The following LY6G6D variants were observed in gnomAD, a reference collection of about 807,000 sequenced individuals.
LY6G6D encodes lymphocyte antigen 6 family member G6D.
Under a neutral mutation model 8.5 loss-of-function variants are expected in LY6G6D, and 5 were observed. That is an observed-to-expected ratio of 0.59 (90% CI 0.31 to 1.24). The LOEUF is 1.24. LY6G6D is among the 50% of genes most tolerant of loss of function. The probability of loss-of-function intolerance (pLI) is 0.07; values close to 1 mark genes in which losing one functional copy is unlikely to be tolerated. For missense variants in LY6G6D, 154 were observed against 170.4 expected (o/e 0.90, Z 0.53); for synonymous variants, 65 against 69.6 (o/e 0.93, Z 0.33).
rs1014006780 is a variant in LY6G6D, at chr6:31,716,843, C to T, written c.179-738C>T. On this transcript the variant is annotated intron_variant, in intron 2 of 2. Transcript: ENST00000375825. This position sits in a 1 kb window ranked among gnomAD's most constrained non-coding sequence, Gnocchi z 5.1. ...CTGAGAGGCTGAGGCAGGAGGATTA[C>T]TTGAGCCCAGGAGTTTGAGGCTATA... 2.6e-5 allele frequency among the ~76,000 whole-genome samples: 4 copies of T among 152,176 alleles called. No homozygotes were observed. The highest frequency in any genetic ancestry group is 9.7e-5 in the African/African-American group (4 of 41,420).
In LY6G6D at chr6:31,717,212, T is replaced by G. The variant is rs1336257045; in HGVS notation, c.179-369T>G. On this transcript the variant is annotated intron_variant, in intron 2 of 2. Transcript: ENST00000375825. The surrounding 1 kb of genome is among the most constrained non-coding windows in gnomAD (Gnocchi z 5.0). Reference sequence around the variant, plus strand: ...TCGCGGTGAGCCGAGATCACACCATTGCACTCCAGCTGGGCAATAAGAGTG... The same window carrying G: ...TCGCGGTGAGCCGAGATCACACCATGGCACTCCAGCTGGGCAATAAGAGTG... Among the ~76,000 whole-genome samples, 3 of 145,684 alleles carry G rather than the reference T, an allele frequency of 2.1e-5. No homozygotes were observed.
In LY6G6D at chr6:31,717,385, A is replaced by C; in HGVS notation, c.179-196A>C. 1 of 1,340,952 alleles carries C rather than the reference A, an allele frequency of 7.5e-7. No individual in the cohort carries two copies. The highest frequency in any genetic ancestry group is 1.4e-5 in the South Asian group (1 of 70,504). 83.1% of individuals were successfully genotyped at this position (1,340,952 alleles called of 1,614,324 possible). On this transcript the variant is annotated intron_variant, in intron 2 of 2. Transcript: ENST00000375825. This position sits in a 1 kb window ranked among gnomAD's most constrained non-coding sequence, Gnocchi z 5.0. Reference sequence around the variant, plus strand: ...TTTAAGCAAGAATACTGCAGAAGTGATGTTGCATCCTTCTTGCTGCATCAC... The same window carrying C: ...TTTAAGCAAGAATACTGCAGAAGTGCTGTTGCATCCTTCTTGCTGCATCAC...
At chr6:31,715,661 C>A in intron 2 of LY6G6D, 37 bp downstream of exon 2, 1 of 1,605,762 alleles carries the variant, frequency 6.2e-7, no homozygotes. Flanking sequence ...AGCAGCCTTT[C>A]CCTGCCTCCA....
rs146655668 is a variant in LY6G6D, at chr6:31,716,919, C to A, written c.179-662C>A. Among the ~76,000 whole-genome samples the A allele has an allele frequency of 6.6e-6, 1 of 152,042 alleles. No homozygotes were observed. Among genetic ancestry groups the A allele is most frequent in the East Asian group, 1.9e-4 (1 of 5,174 alleles). On this transcript the variant is annotated intron_variant, in intron 2 of 2. Coordinates refer to ENST00000375825, the MANE Select transcript of LY6G6D (RefSeq NM_021246.4). The surrounding 1 kb of genome is among the most constrained non-coding windows in gnomAD (Gnocchi z 5.1). ...TCCAGCCTGAGTGAGAGAGCAAGAT[C>A]TTTTCTCTAAAATTAAATAAAATCA...
In LY6G6D at chr6:31,717,461, G is replaced by C; in HGVS notation, c.179-120G>C. 2 of 1,609,374 alleles carry C rather than the reference G, an allele frequency of 1.2e-6. No homozygotes were observed. Among genetic ancestry groups the C allele is most frequent in the Non-Finnish European group, 1.7e-6 (2 of 1,177,700 alleles). On this transcript the variant is annotated intron_variant, in intron 2 of 2. Transcript: ENST00000375825. The surrounding 1 kb of genome is among the most constrained non-coding windows in gnomAD (Gnocchi z 5.0). ...TTAACTTTGATCACTTGGTTTCAGGGAGGTGTTTTTTGAGGGGGCTGAAAA... is the reference window on the plus strand; with the variant it reads ...TTAACTTTGATCACTTGGTTTCAGGCAGGTGTTTTTTGAGGGGGCTGAAAA...
In LY6G6D at chr6:31,717,023, G is replaced by T. The variant is rs1442294452; in HGVS notation, c.179-558G>T. On this transcript the variant is annotated intron_variant, in intron 2 of 2. Transcript: ENST00000375825. This position sits in a 1 kb window ranked among gnomAD's most constrained non-coding sequence, Gnocchi z 5.0. Reference sequence around the variant, plus strand: ...CCCAGCACTTTGGGAGGCCAAGGCGGGTGGATAACCTGAGGTCGGGAGTTC... The same window carrying T: ...CCCAGCACTTTGGGAGGCCAAGGCGTGTGGATAACCTGAGGTCGGGAGTTC... Among the ~76,000 whole-genome samples the T allele has an allele frequency of 1.3e-5, 2 of 152,200 alleles. No individual in the cohort carries two copies. Among genetic ancestry groups the T allele is most frequent in the African/African-American group, 4.8e-5 (2 of 41,452 alleles).
At position 31,717,685 on chromosome 6, in the gene LY6G6D, G is replaced by A; in HGVS notation, c.283G>A (p.Asp95Asn). 6.2e-7 allele frequency: 1 copy of A among 1,614,218 alleles called. No homozygotes were observed. The highest frequency in any genetic ancestry group is 1.3e-5 in the African/African-American group (1 of 75,064). Residue 95 changes from aspartate to asparagine, a missense_variant, in exon 3 of 3, where the codon GAC (aspartate) becomes AAC (asparagine). Transcript: ENST00000375825. This position sits in a 1 kb window ranked among gnomAD's most constrained non-coding sequence, Gnocchi z 5.0. ...VGDVTYPAHR[D>N]CYLGDLCNSA... ...AGACGTGACTTATCCAGCCCACAGG[G>A]ACTGCTACCTGGGAGACCTGTGCAA...
rs748241283 is a variant in LY6G6D at position 31,717,472 on chromosome 6, T to C, written c.179-109T>C. On this transcript the variant is annotated intron_variant, in intron 2 of 2. Transcript: ENST00000375825. The surrounding 1 kb of genome is among the most constrained non-coding windows in gnomAD (Gnocchi z 5.0). ...CACTTGGTTTCAGGGAGGTGTTTTT[T>C]GAGGGGGCTGAAAATCCCTTTGGGC... is the stretch of plus-strand genomic sequence containing the variant. 3.7e-6 allele frequency: 6 copies of C among 1,610,836 alleles called. No individual in the cohort carries two copies. In the South Asian group the frequency reaches 5.5e-5, roughly 15 times the overall value.
In LY6G6D at chr6:31,715,538, C is replaced by G. The variant is rs750768275; in HGVS notation, c.92C>G (p.Pro31Arg). 42 of 1,612,916 alleles carry G rather than the reference C, an allele frequency of 2.6e-5. No homozygotes were observed. The highest frequency in any genetic ancestry group is 1.1e-5 in the South Asian group (1 of 91,082). ...RMRCYNCGGS[P>R]SSSCKEAVTT... is the part of the protein sequence containing the mutation. ...CGGTGCTACAACTGTGGTGGAAGCC[C>G]CAGCAGTTCTTGCAAAGAGGCCGTG... Residue 31 changes from proline to arginine, a missense_variant, in exon 2 of 3, where the codon CCC becomes CGC. Coordinates refer to ENST00000375825, the MANE Select transcript of LY6G6D (RefSeq NM_021246.4).
rs1245218432 is a variant in LY6G6D, at chr6:31,715,606, A to G, written c.160A>G (p.Ile54Val). ...EGRPQPGLEQIKLPGNPPVTL... is the reference protein window; with the variant it reads ...EGRPQPGLEQVKLPGNPPVTL... The stretch of plus-strand genomic sequence containing the variant: ...CAGACCCCAGCCAGGCCTGGAACAG[A>G]TCAAGCTACCTGGAAACCGTGAGTC... The change falls in exon 2 of 3, where the codon ATC (isoleucine) becomes GTC (valine). Residue 54 changes from isoleucine (I) to valine (V), a missense_variant. Coordinates refer to ENST00000375825, the MANE Select transcript of LY6G6D (RefSeq NM_021246.4). 4 of 1,612,694 alleles carry G rather than the reference A, an allele frequency of 2.5e-6. No individual in the cohort carries two copies. The highest frequency in any genetic ancestry group is 3.4e-6 in the Non-Finnish European group (4 of 1,179,830).
chr6:31,715,950 GGTGTGTGTGTGT>G (rs3138769), intron 2 of LY6G6D, among the ~76,000 whole-genome samples: 17 of 147,048 alleles, frequency 1.2e-4, no homozygotes, highest in Admixed American at 2.7e-4. Context: ...ACCAGGGAGG[GGTGTGTGTGTGT>G]GTGTGTGTGT....
At position 31,715,514 on chromosome 6, in the gene LY6G6D, G is replaced by T; in HGVS notation, c.68G>T (p.Arg23Leu). The change falls in exon 2 of 3, where the codon CGG becomes CTG. Residue 23 changes from arginine to leucine, a missense_variant. Physicochemically the swap from Arg to Leu is moderately radical, Grantham distance 102. Coordinates refer to ENST00000375825, the MANE Select transcript of LY6G6D (RefSeq NM_021246.4). ...TTTCTCCTGCCAGGAAACCGAATGC[G>T]GTGCTACAACTGTGGTGGAAGCCCC... ...LLGAALGNRM[R>L]CYNCGGSPSS... is the part of the protein sequence containing the mutation. The T allele has an allele frequency of 6.2e-7, 1 of 1,612,800 alleles. No individual in the cohort carries two copies. The highest frequency in any genetic ancestry group is 8.5e-7 in the Non-Finnish European group (1 of 1,179,854).
chr6:31,717,793 T>A lies in LY6G6D; in HGVS notation c.391T>A (p.Trp131Arg), dbSNP rs1562160504. 5 of 1,611,732 alleles carry A rather than the reference T, an allele frequency of 3.1e-6. No individual in the cohort carries two copies. The change falls in exon 3 of 3, where the codon TGG becomes AGG. Residue 131 changes from tryptophan (W) to arginine (R), a missense_variant. Coordinates refer to ENST00000375825, the MANE Select transcript of LY6G6D (RefSeq NM_021246.4). This position sits in a 1 kb window ranked among gnomAD's most constrained non-coding sequence, Gnocchi z 5.0. ...CCTGACCTGTCTCTTGCCAGGACTG[T>A]GGAGCGGATAGGGGGAGTAGGAGTA... is the stretch of plus-strand genomic sequence containing the variant. ...TALTCLLPGLWSG is the reference protein window; with the variant it reads ...TALTCLLPGLRSG
At position 31,716,502 on chromosome 6, in the gene LY6G6D, A is replaced by G. The variant is rs1806442364; in HGVS notation, c.178+878A>G. Among the ~76,000 whole-genome samples, 1 of 152,048 alleles carries G rather than the reference A, an allele frequency of 6.6e-6. No homozygotes were observed. Among genetic ancestry groups the G allele is most frequent in the African/African-American group, 2.4e-5 (1 of 41,372 alleles). ...GTGGCACATGCTTGTAGTCCTAGCT[A>G]CTCAGGGGGCTGAAGAGGGAGGATC... On this transcript the variant is annotated intron_variant, in intron 2 of 2. Transcript: ENST00000375825. The surrounding 1 kb of genome is among the most constrained non-coding windows in gnomAD (Gnocchi z 5.1).
In LY6G6D at chr6:31,717,815, A is replaced by G. The variant is rs778950049; in HGVS notation, c.*11A>G. The G allele has an allele frequency of 1.2e-6, 2 of 1,603,740 alleles. No homozygotes were observed. Among genetic ancestry groups the G allele is most frequent in the Non-Finnish European group, 1.7e-6 (2 of 1,175,788 alleles). On this transcript the variant is annotated 3_prime_UTR_variant, in exon 3 of 3. Transcript: ENST00000375825. The surrounding 1 kb of genome is among the most constrained non-coding windows in gnomAD (Gnocchi z 5.0). Reference sequence around the variant, plus strand: ...CTGTGGAGCGGATAGGGGGAGTAGGAGTAGAGAAGGGAACAAGGGAGCAAG... The same window carrying G: ...CTGTGGAGCGGATAGGGGGAGTAGGGGTAGAGAAGGGAACAAGGGAGCAAG...
chr6:31,715,515 G>T lies in LY6G6D; in HGVS notation c.69G>T (p.Arg23=). The change falls in exon 2 of 3, where the codon CGG becomes CGT. Residue 23 remains arginine, a synonymous_variant. Transcript: ENST00000375825. Reference sequence around the variant, plus strand: ...TTCTCCTGCCAGGAAACCGAATGCGGTGCTACAACTGTGGTGGAAGCCCCA... The same window carrying T: ...TTCTCCTGCCAGGAAACCGAATGCGTTGCTACAACTGTGGTGGAAGCCCCA... The part of the protein sequence containing the change: ...LLGAALGNRM[R]CYNCGGSPSS... 1.2e-6 allele frequency: 2 copies of T among 1,612,998 alleles called. No homozygotes were observed. Among genetic ancestry groups the T allele is most frequent in the Non-Finnish European group, 1.7e-6 (2 of 1,179,976 alleles).
Position 31,715,586 on chromosome 6 carries a change from C to A in LY6G6D, c.140C>A (p.Pro47His). ...EAVTTCGEGR[P>H]QPGLEQIKLP... ...GTGACCACCTGTGGCGAGGGCAGAC[C>A]CCAGCCAGGCCTGGAACAGATCAAG... is the stretch of plus-strand genomic sequence containing the variant. The change falls in exon 2 of 3, where the codon CCC becomes CAC. Residue 47 changes from proline (P) to histidine (H), a missense_variant. Pro to His is a moderately conservative substitution (Grantham distance 77). Coordinates refer to ENST00000375825, the MANE Select transcript of LY6G6D (RefSeq NM_021246.4). 1 of 1,613,064 alleles carries A rather than the reference C, an allele frequency of 6.2e-7. No individual in the cohort carries two copies. The highest frequency in any genetic ancestry group is 8.5e-7 in the Non-Finnish European group (1 of 1,180,026).
rs1562160094 is a variant in LY6G6D at position 31,717,688 on chromosome 6, TGC to T, written c.287_288del (p.Cys96LeufsTer59). The T allele has an allele frequency of 1.2e-6, 2 of 1,614,218 alleles. No individual in the cohort carries two copies. The highest frequency in any genetic ancestry group is 1.7e-6 in the Non-Finnish European group (2 of 1,180,034). ...CGTGACTTATCCAGCCCACAGGGAC[TGC>T]TACCTGGGAGACCTGTGCAACAGCG... ...GDVTYPAHRD[C>X]YLGDLCNSAV... is the part of the protein sequence containing the mutation. On this transcript the variant is annotated frameshift_variant, in exon 3 of 3. Transcript: ENST00000375825. LOFTEE classifies it low-confidence loss of function (END_TRUNC). The surrounding 1 kb of genome is among the most constrained non-coding windows in gnomAD (Gnocchi z 5.0).
rs752406773 is a variant in LY6G6D at position 31,715,514 on chromosome 6, G to C, written c.68G>C (p.Arg23Pro). The change falls in exon 2 of 3, where the codon CGG (arginine) becomes CCG (proline). Residue 23 changes from arginine to proline, a missense_variant. Physicochemically the swap from Arg to Pro is moderately radical, Grantham distance 103. Coordinates refer to ENST00000375825, the MANE Select transcript of LY6G6D (RefSeq NM_021246.4). ...TTTCTCCTGCCAGGAAACCGAATGC[G>C]GTGCTACAACTGTGGTGGAAGCCCC... is the stretch of plus-strand genomic sequence containing the variant. Reference protein sequence around the residue: ...LLGAALGNRMRCYNCGGSPSS... With the variant: ...LLGAALGNRMPCYNCGGSPSS... The C allele has an allele frequency of 1.8e-5, 29 of 1,612,800 alleles. No homozygotes were observed. The East Asian group carries it at 2.5e-4, about 14-fold the overall frequency.
Sources: allele counts gnomAD v4.1 joint callset (sites outside exome capture counted in the v4.1 genomes callset), GRCh38; gene constraint gnomAD v4.1.1; non-coding constraint Gnocchi (gnomAD v3.1); transcripts MANE v1.5; gene names NCBI Gene and HGNC (gene_info 2026-07-23, HGNC 2026-07-21).